The following BECN1 variants were observed in gnomAD, a reference collection of about 807,000 sequenced individuals.
The protein encoded by BECN1 is beclin-1.
Under a neutral mutation model 60.1 loss-of-function variants are expected in BECN1, and 15 were observed. The ratio of observed to expected loss-of-function variants is 0.25; its 90% CI spans 0.17 to 0.38. The LOEUF (loss-of-function observed/expected upper bound fraction) is 0.38, where lower values mean the gene tolerates loss of function less well. BECN1 is among the 10% of genes least tolerant of loss of function. The pLI is 1.00. For synonymous variants in BECN1, 179 were observed against 201.8 expected (o/e 0.89, Z 0.96); for missense variants, 424 against 548.2 (o/e 0.77, Z 2.26).
At chr17:42,820,617 T>A (rs2055242519) in intron 3 of BECN1, 157 bp downstream of exon 3, 1 of 646,636 alleles carries the variant, frequency 1.5e-6, no homozygotes, top group Admixed American at 2.6e-5. Context: ...CCTGATCATG[T>A]AGAATGTCTC....
At chr17:42,823,297 C>T (rs543494811) in intron 2 of BECN1, among the ~76,000 whole-genome samples, 1 of 152,302 alleles carries the variant, frequency 6.6e-6, no homozygotes, top group South Asian at 2.1e-4. Flanking sequence ...CTCTGTTGCC[C>T]AGGCTGGAGT....
chr17:42,824,278 C>T lies in BECN1; in HGVS notation c.-126G>A. 2.5e-6 allele frequency: 1 copy of T among 399,654 alleles called. No homozygotes were observed. Among genetic ancestry groups the T allele is most frequent in the Non-Finnish European group, 4.4e-6 (1 of 226,180 alleles). The allele number at this position is 399,654 out of a possible 1,614,324, so 24.8% of individuals were successfully genotyped here. On this transcript the variant is annotated 5_prime_UTR_variant, in exon 1 of 12. Transcript: ENST00000590099. ...CTGTCTTCAGCGACTTCCCGGTAGC[C>T]GCCGGAAAACTTCCGCCCGAGACCG... is the stretch of plus-strand genomic sequence containing the variant.
In BECN1 at chr17:42,819,547, C is replaced by T. The variant is rs1567672826; in HGVS notation, c.260+1G>A. ...AATGGGGGCTGAGAAGTAGTAGGCA[C>T]CTGGCTGGGGGGATGAATCTGCGAG... On this transcript the variant is annotated splice_donor_variant, in intron 4 of 11. Coordinates refer to ENST00000590099, the MANE Select transcript of BECN1 (RefSeq NM_001313998.2). LOFTEE classifies it high-confidence loss of function. 6.2e-7 allele frequency: 1 copy of T among 1,613,340 alleles called. No homozygotes were observed. The highest frequency in any genetic ancestry group is 8.5e-7 in the Non-Finnish European group (1 of 1,179,812).
At position 42,820,926 on chromosome 17, in the gene BECN1, T is replaced by G; in HGVS notation, c.131-85A>C. The G allele has an allele frequency of 3.2e-6, 4 of 1,236,276 alleles. 1 individual carries two copies. The South Asian group carries it at 5.2e-5, about 16-fold the overall frequency. The allele number at this position is 1,236,276 out of a possible 1,614,324, so 76.6% of individuals were successfully genotyped here. A position where few individuals can be genotyped will look rare whatever the true frequency, so the allele number is the denominator to read the frequency against. ...AAGTATGGGAAAAGAATGTGAAATA[T>G]TCTCATCACCACCCTCACCTCCAAT... On this transcript the variant is annotated intron_variant, in intron 2 of 11. Coordinates refer to ENST00000590099, the MANE Select transcript of BECN1 (RefSeq NM_001313998.2).
chr17:42,816,740 G>C (rs1597933485), intron 7 of BECN1, among the ~76,000 whole-genome samples: 1 of 151,996 alleles, frequency 6.6e-6, no homozygotes, highest in South Asian at 2.1e-4. Flanking sequence ...GGAGGCTGAG[G>C]TGGGCAGATC....
In BECN1 at chr17:42,818,819, C is replaced by T. The variant is rs762836696; in HGVS notation, c.319G>A (p.Gly107Ser). 15 of 1,614,012 alleles carry T rather than the reference C, an allele frequency of 9.3e-6. No homozygotes were observed. The highest frequency in any genetic ancestry group is 1.6e-4 in the Middle Eastern group (1 of 6,084). ...CTTCGGCTGAGGTTCTCCATGGTGC[C>T]GCCATCAGATGCCTCCCCAATCAGA... ...FTLIGEASDG[G>S]TMENLSRRLK... The change falls in exon 5 of 12, where the codon GGC (glycine) becomes AGC (serine). Residue 107 changes from glycine (G) to serine (S), a missense_variant. This residue lies in a region of BECN1 where 2 missense variants were observed against 16.4 expected (regional missense o/e 0.12). Coordinates refer to ENST00000590099, the MANE Select transcript of BECN1 (RefSeq NM_001313998.2).
At chr17:42,822,443 C>T (rs2055286772) in intron 2 of BECN1, among the ~76,000 whole-genome samples, 1 of 152,122 alleles carries the variant, frequency 6.6e-6, no homozygotes, top group Admixed American at 6.5e-5. Context: ...TAAATGACAG[C>T]CAGGATTTAA....
At position 42,811,789 on chromosome 17, in the gene BECN1, C is replaced by T. The variant is rs369643771; in HGVS notation, c.1050G>A (p.Pro350=). Residue 350 remains proline (P), a synonymous_variant, in exon 11 of 12, where the codon CCG becomes CCA. Transcript: ENST00000590099. The part of the protein sequence containing the change: ...ESLTDKSKEL[P]LYCSGGLRFF... ...ACCGCAACCCCCCAGAACAGTATAACGGCAGCTCCTGCCCAAGAAGAGAAA... is the reference window on the plus strand; with the variant it reads ...ACCGCAACCCCCCAGAACAGTATAATGGCAGCTCCTGCCCAAGAAGAGAAA... 6.3e-5 allele frequency: 101 copies of T among 1,610,608 alleles called. 5 individuals are homozygous for T. In the South Asian group the frequency reaches 8.4e-4, roughly 13 times the overall value.
chr17:42,818,353 A>T lies in BECN1; in HGVS notation c.551T>A (p.Leu184Gln), dbSNP rs1465865643. The change falls in exon 7 of 12, where the codon CTA (leucine) becomes CAA (glutamine). Residue 184 changes from leucine to glutamine, a missense_variant. Physicochemically the swap from Leu to Gln is moderately radical, Grantham distance 113. Transcript: ENST00000590099. The part of the protein sequence containing the change: ...EDDSEQLQME[L>Q]KELALEEERL... ...CTCCTCCTCTAGTGCCAGCTCCTTT[A>T]GCTCCATCTGTAACTGTTCACTGTC... The T allele has an allele frequency of 1.2e-6, 2 of 1,613,996 alleles. No homozygotes were observed. The highest frequency in any genetic ancestry group is 8.5e-7 in the Non-Finnish European group (1 of 1,180,030).
intron 4 of BECN1, 39 bp from the exon 5 acceptor site, chr17:42,818,916 C>G (rs1406168468): frequency 1.2e-6 from 2 of 1,607,450 alleles, no homozygotes; most frequent in African/African-American, 1.3e-5. Flanking sequence ...CATGAGGGAA[C>G]AGAGAGGCTT....
rs1358964536 is a variant in BECN1, at chr17:42,819,580, A to G, written c.228T>C (p.Asp76=). The G allele has an allele frequency of 1.1e-5, 18 of 1,613,744 alleles. No homozygotes were observed. The highest frequency in any genetic ancestry group is 1.4e-5 in the Non-Finnish European group (17 of 1,179,988). ...EEPFIETPRQ[D]GVSRRFIPPA... ...GGGGGATGAATCTGCGAGAGACACC[A>G]TCCTGGCGAGGAGTTTCAATAAATG... The change falls in exon 4 of 12, where the codon GAT becomes GAC. Residue 76 remains aspartate (D), a synonymous_variant. Transcript: ENST00000590099.
chr17:42,812,404 AAAAAG>A (rs2055036748), intron 10 of BECN1: 1 of 148,200 alleles, frequency 6.7e-6, no homozygotes. Context: ...AAAAACCCAC[AAAAAG>A]AAAAGAAAAA....
In BECN1 at chr17:42,823,822, T is replaced by G; in HGVS notation, c.56A>C (p.Gln19Pro). 6.2e-7 allele frequency: 1 copy of G among 1,614,158 alleles called. No homozygotes were observed. ...CAGTTTCAGGGGCTGGCTGCAGCGC[T>G]GGCACACGAAGCTCACCTGCATGGT... is the stretch of plus-strand genomic sequence containing the variant. ...NSTMQVSFVCQRCSQPLKLDT... is the reference protein window; with the variant it reads ...NSTMQVSFVCPRCSQPLKLDT... Residue 19 changes from glutamine to proline, a missense_variant, in exon 2 of 12, where the codon CAG (glutamine) becomes CCG (proline). Around this residue, in one of 3 missense-constraint regions of BECN1, gnomAD observed 96 missense variants for 125.6 expected, o/e 0.76. Transcript: ENST00000590099.
At position 42,810,204 on chromosome 17, in the gene BECN1, A is replaced by T. The variant is rs1042137445; in HGVS notation, c.*556T>A. On this transcript the variant is annotated 3_prime_UTR_variant, in exon 12 of 12. Transcript: ENST00000590099. ...TCTCCATAATGTCTCAAACAGTATC[A>T]AACACCATTTCATATCTCTAACACA... is the stretch of plus-strand genomic sequence containing the variant. The T allele has an allele frequency of 2.6e-5, 4 of 153,042 alleles. No individual in the cohort carries two copies. Among genetic ancestry groups the T allele is most frequent in the Admixed American group, 2.6e-4 (4 of 15,308 alleles). The allele number at this position is 153,042 out of a possible 1,614,324, so 9.5% of individuals were successfully genotyped here.
At chr17:42,817,164 G>A (rs1277029178) in intron 7 of BECN1, among the ~76,000 whole-genome samples, 1 of 151,662 alleles carries the variant, frequency 6.6e-6, no homozygotes, top group Non-Finnish European at 1.5e-5. Context: ...GTATGGTGTT[G>A]CGCGCCTGTA....
intron 7 of BECN1, among the ~76,000 whole-genome samples, 160 bp downstream of exon 7, chr17:42,818,061 C>T (rs1353013193): frequency 6.6e-6 from 1 of 152,146 alleles, no homozygotes; most frequent in Non-Finnish European, 1.5e-5. Context: ...CCCAACAAAC[C>T]TCTAGAAAAA....
rs2054977009 is a variant in BECN1 at position 42,810,652 on chromosome 17, T to C, written c.*108A>G. ...CTTTTGTGGATTTTTTCTTTTTTGG[T>C]ATTGTAAACATGTACTGTTTAATAT... is the stretch of plus-strand genomic sequence containing the variant. On this transcript the variant is annotated 3_prime_UTR_variant, in exon 12 of 12. Coordinates refer to ENST00000590099, the MANE Select transcript of BECN1 (RefSeq NM_001313998.2). 2 of 1,188,756 alleles carry C rather than the reference T, an allele frequency of 1.7e-6. No individual in the cohort carries two copies. The highest frequency in any genetic ancestry group is 3.1e-5 in the African/African-American group (2 of 63,536). 73.6% of individuals were successfully genotyped at this position (1,188,756 alleles called of 1,614,324 possible). A position where few individuals can be genotyped will look rare whatever the true frequency, so the allele number is the denominator to read the frequency against.
intron 4 of BECN1, 78 bp from the exon 5 acceptor site, chr17:42,818,955 A>G (rs1486350467): frequency 3.3e-6 from 5 of 1,519,234 alleles, no homozygotes; most frequent in Non-Finnish European, 4.5e-6. Context: ...CCAGTGGCAG[A>G]GACTCTCAAG....
intron 2 of BECN1, 125 bp downstream of exon 2, chr17:42,823,623 A>C (rs1052716842): frequency 2.8e-5 from 37 of 1,331,966 alleles, no homozygotes; most frequent in Non-Finnish European, 3.6e-5. Flanking sequence ...GAGCCAGATG[A>C]AGTGACTTTC....
Sources: gnomAD v4.1 joint callset for allele counts (sites outside exome capture counted in the v4.1 genomes callset) on GRCh38, gnomAD v4.1.1 for gene constraint, gnomAD v4.1.1 regional missense constraint, MANE v1.5 for transcripts, NCBI Gene and HGNC (gene_info 2026-07-23, HGNC 2026-07-21) for gene names.